PTPRN2: variants seen among roughly 807,000 people sequenced by gnomAD.
The protein encoded by PTPRN2 is receptor-type tyrosine-protein phosphatase N2.
Under a neutral mutation model 118.8 loss-of-function variants are expected in PTPRN2, and 74 were observed. The observed-to-expected ratio is 0.62, with a 90% CI of 0.52 to 0.76. PTPRN2 has a LOEUF of 0.76. Among genes scored for constraint, PTPRN2 ranks in the 30% least tolerant of loss-of-function variants. PTPRN2 has a pLI of 0.00. For missense variants in PTPRN2, 1,481 were observed against 1,394.4 expected, an observed-to-expected ratio of 1.06 and a Z score of -0.99; for synonymous variants, 641 against 608.0, an observed-to-expected ratio of 1.05 and a Z score of -0.80.
In PTPRN2 at chr7:157,615,630, T is replaced by C. The variant is rs1333336496; in HGVS notation, c.2344+5732A>G. 2.1e-6 allele frequency: 1 copy of C among 469,542 alleles called. No homozygotes were observed. The highest frequency in any genetic ancestry group is 2.0e-5 in the African/African-American group (1 of 50,072). The allele number at this position is 469,542 out of a possible 1,614,324, so 29.1% of individuals were successfully genotyped here. ...GGGAGGATTGGCTCAGCACTGGTCC[T>C]GCGGAATGTGTTTTTATCAATGACT... On this transcript the variant is annotated intron_variant, in intron 15 of 22. Coordinates refer to ENST00000389418, the MANE Select transcript of PTPRN2 (RefSeq NM_002847.5). This position sits in a 1 kb window ranked among gnomAD's most constrained non-coding sequence, Gnocchi z 4.3.
chr7:157,643,968 T>C (rs566616248), intron 14 of PTPRN2, among the ~76,000 whole-genome samples: 37 of 152,168 alleles, frequency 2.4e-4, no homozygotes, highest in Non-Finnish European at 4.4e-4. Flanking sequence ...GCTTCCCCCG[T>C]GGGACTGTGG....
intron 2 of PTPRN2, among the ~76,000 whole-genome samples, chr7:158,463,695 C>T (rs4909230): frequency 6.6e-6 from 1 of 152,260 alleles, no homozygotes; most frequent in South Asian, 2.1e-4. Context: ...ATCATCATCA[C>T]CATCATCATC....
intron 12 of PTPRN2, among the ~76,000 whole-genome samples, chr7:157,700,540 TCTGACCTTATTC>T (rs1461821336): frequency 1.3e-5 from 2 of 152,188 alleles, no homozygotes. Flanking sequence ...TCATCCCTTA[TCTGACCTTATTC>T]CCCATCCCCC....
In PTPRN2 at chr7:157,944,865, C is replaced by T. The variant is rs568120068; in HGVS notation, c.1724-46128G>A. Among the ~76,000 whole-genome samples the T allele has an allele frequency of 7.2e-5, 11 of 152,330 alleles. No homozygotes were observed. Among genetic ancestry groups the T allele is most frequent in the African/African-American group, 2.6e-4 (11 of 41,574 alleles). ...CTTGGGGGGCAGGCATTGTCTACAA[C>T]ACAGACTACACAGTCCACAGTCCAC... On this transcript the variant is annotated intron_variant, in intron 11 of 22. Transcript: ENST00000389418. This position sits in a 1 kb window ranked among gnomAD's most constrained non-coding sequence, Gnocchi z 4.3.
intron 2 of PTPRN2, among the ~76,000 whole-genome samples, chr7:158,325,649 A>G (rs558179408): frequency 2.6e-5 from 4 of 152,358 alleles, no homozygotes; most frequent in South Asian, 4.1e-4. Flanking sequence ...AGGCACCCCA[A>G]TTACGAAGCC....
At chr7:158,146,987 C>G (rs1247028315) in intron 6 of PTPRN2, among the ~76,000 whole-genome samples, 1 of 93,996 alleles carries the variant, frequency 1.1e-5, no homozygotes, top group African/African-American at 4.3e-5. Flanking sequence ...TGTCTTTCCC[C>G]CTCAATGACA....
intron 21 of PTPRN2, among the ~76,000 whole-genome samples, chr7:157,559,810 C>G (rs1167276901): frequency 1.3e-5 from 2 of 152,168 alleles, no homozygotes; most frequent in South Asian, 2.1e-4. Flanking sequence ...GACACAGCTG[C>G]CCCGACAGGG....
At chr7:157,695,618 A>G (rs1797727483) in intron 12 of PTPRN2, among the ~76,000 whole-genome samples, 1 of 152,256 alleles carries the variant, frequency 6.6e-6, no homozygotes, top group African/African-American at 2.4e-5. Flanking sequence ...AGTAAAGCAT[A>G]GTAGTTGGCA....
chr7:157,786,303 A>AT (rs1210579958), intron 12 of PTPRN2, among the ~76,000 whole-genome samples: 1 of 152,212 alleles, frequency 6.6e-6, no homozygotes, highest in Non-Finnish European at 1.5e-5. Context: ...CTAGTTCAGT[A>AT]TTTATTTAAA....
chr7:158,461,548 G>GA (rs549169290), intron 2 of PTPRN2, among the ~76,000 whole-genome samples: 37 of 151,840 alleles, frequency 2.4e-4, no homozygotes, highest in African/African-American at 8.4e-4. Context: ...AGAAAATGGT[G>GA]AAAAAAAATA....
At chr7:158,125,073 G>A (rs554597554) in intron 9 of PTPRN2, among the ~76,000 whole-genome samples, 6 of 152,278 alleles carry the variant, frequency 3.9e-5, no homozygotes, top group Admixed American at 2.0e-4. Context: ...GGAGGGAGCC[G>A]GGTGGGGCAC....
intron 3 of PTPRN2, 64 bp from the exon 4 acceptor site, chr7:158,205,337 A>G: frequency 8.1e-7 from 1 of 1,227,162 alleles, no homozygotes. Context: ...CTCTTGCTTC[A>G]GTCTCACAAT....
At chr7:157,765,980 A>ATT (rs1802452036) in intron 12 of PTPRN2, among the ~76,000 whole-genome samples, 1 of 130,648 alleles carries the variant, frequency 7.7e-6, no homozygotes, top group African/African-American at 3.0e-5. Context: ...ATCCACCCAC[A>ATT]CACCCATCCA....
chr7:158,568,595 A>T (rs1261291648), intron 1 of PTPRN2, among the ~76,000 whole-genome samples: 1 of 152,194 alleles, frequency 6.6e-6, no homozygotes, highest in Non-Finnish European at 1.5e-5. Context: ...TTTATAACAA[A>T]TACTCTAAAC....
rs1563067045 is a variant in PTPRN2 at position 158,270,770 on chromosome 7, G to GTCCACCTGGGCCGCCCCC, written c.277+46048_277+46049insGGGGGCGGCCCAGGTGGA. 2.0e-4 allele frequency among the ~76,000 whole-genome samples: 16 copies of GTCCACCTGGGCCGCCCCC among 78,616 alleles called. 3 individuals are homozygous for GTCCACCTGGGCCGCCCCC. Among genetic ancestry groups the GTCCACCTGGGCCGCCCCC allele is most frequent in the African/African-American group, 6.0e-4 (10 of 16,636 alleles). The allele number at this position is 78,616 out of a possible 152,430, so 51.6% of individuals were successfully genotyped here. A position where few individuals can be genotyped will look rare whatever the true frequency, so the allele number is the denominator to read the frequency against. On this transcript the variant is annotated intron_variant, in intron 3 of 22. Coordinates refer to ENST00000389418, the MANE Select transcript of PTPRN2 (RefSeq NM_002847.5). ...CCGTCTTCTCCACCTGGACCACCCC[G>GTCCACCTGGGCCGCCCCC]TCCACCTGGACCACCCCTCCACCTG...
intron 2 of PTPRN2, among the ~76,000 whole-genome samples, chr7:158,398,347 TTGCCACAGGCAA>T (rs1428910350): frequency 6.6e-6 from 1 of 152,192 alleles, no homozygotes; most frequent in Non-Finnish European, 1.5e-5. Context: ...GTTGCTGGCC[TTGCCACAGGCAA>T]TGCCGAGGGC....
chr7:158,520,969 C>T (rs999869283), intron 1 of PTPRN2, among the ~76,000 whole-genome samples: 3 of 152,174 alleles, frequency 2.0e-5, no homozygotes, highest in African/African-American at 7.2e-5. Flanking sequence ...AGATCTCAGC[C>T]AGCCAAGGAA....
Position 157,990,365 on chromosome 7 carries a change from G to T in PTPRN2, c.1723+90933C>A, listed in dbSNP as rs1414209547. Among the ~76,000 whole-genome samples, 4 of 152,162 alleles carry T rather than the reference G, an allele frequency of 2.6e-5. No individual in the cohort carries two copies. Among genetic ancestry groups the T allele is most frequent in the Non-Finnish European group, 5.9e-5 (4 of 68,042 alleles). The stretch of plus-strand genomic sequence containing the variant: ...ACAGGTGCAGCAGAGATTGGGCACG[G>T]GCCAGGAATGCATCACGGCACCTGC... On this transcript the variant is annotated intron_variant, in intron 11 of 22. Transcript: ENST00000389418. The surrounding 1 kb of genome is among the most constrained non-coding windows in gnomAD (Gnocchi z 4.3).
At chr7:157,793,182 A>G (rs10949664) in intron 12 of PTPRN2, among the ~76,000 whole-genome samples, 47,210 of 151,862 alleles carry the variant, frequency 0.31, 9,723 homozygotes, top group African/African-American at 0.59. Flanking sequence ...AGGCACAGGC[A>G]CCCAGCCGAG....
Sources: allele counts gnomAD v4.1 joint callset (sites outside exome capture counted in the v4.1 genomes callset), GRCh38; gene constraint gnomAD v4.1.1; non-coding constraint Gnocchi (gnomAD v3.1); transcripts MANE v1.5; gene names NCBI Gene and HGNC (gene_info 2026-07-23, HGNC 2026-07-21).